MALRD1: variants seen among roughly 807,000 people sequenced by gnomAD.
MALRD1 encodes MAM and LDL-receptor class A domain-containing protein 1.
In MALRD1, 247 loss-of-function variants were observed where a neutral mutation model predicts 242.1. That is an observed-to-expected ratio of 1.02 (90% CI 0.92 to 1.13). The LOEUF (loss-of-function observed/expected upper bound fraction) is 1.13. Among genes scored for constraint, MALRD1 ranks in the 50% most tolerant of loss-of-function variants. The probability of loss-of-function intolerance (pLI) is 0.00; values close to 1 mark genes in which losing one functional copy is unlikely to be tolerated. For synonymous variants in MALRD1, 995 were observed against 866.6 expected, an observed-to-expected ratio of 1.15 and a Z score of -2.60; for missense variants, 2,989 against 2,533.1, an observed-to-expected ratio of 1.18 and a Z score of -3.86.
intron 33 of MALRD1, among the ~76,000 whole-genome samples, chr10:19,586,722 C>T (rs554199661): frequency 5.9e-4 from 90 of 152,322 alleles, no homozygotes; most frequent in Middle Eastern, 3.4e-3. Flanking sequence ...TACAGAGGCC[C>T]GCAGGCCTCC....
rs540544015 is a variant in MALRD1, at chr10:19,280,412, C to T, written c.3256+189C>T. 1.4e-4 allele frequency among the ~76,000 whole-genome samples: 22 copies of T among 152,240 alleles called. 1 individual carries two copies. The East Asian group carries it at 2.7e-3, about 19-fold the overall frequency. Reference sequence around the variant, plus strand: ...TCAGAATGCATTTTCTGCCAGGCCCCGTAAGTGGTAAGTGTCTTTAGATTA... The same window carrying T: ...TCAGAATGCATTTTCTGCCAGGCCCTGTAAGTGGTAAGTGTCTTTAGATTA... On this transcript the variant is annotated intron_variant, in intron 20 of 39. Coordinates refer to ENST00000454679, the MANE Select transcript of MALRD1 (RefSeq NM_001142308.3).
intron 32 of MALRD1, among the ~76,000 whole-genome samples, chr10:19,534,376 T>C (rs1407033526): frequency 6.6e-6 from 1 of 152,200 alleles, no homozygotes; most frequent in Non-Finnish European, 1.5e-5. Context: ...CCATTCTCCG[T>C]GTTCTTCGGA....
chr10:19,250,869 G>C (rs1361486389), intron 18 of MALRD1, among the ~76,000 whole-genome samples: 1 of 151,730 alleles, frequency 6.6e-6, no homozygotes, highest in Non-Finnish European at 1.5e-5. Flanking sequence ...AACAAGATTA[G>C]CAGAAAGAAT....
chr10:19,468,746 T>C (rs7090766), intron 29 of MALRD1, among the ~76,000 whole-genome samples: 123,746 of 151,930 alleles, frequency 0.81, 50,599 homozygotes, highest in East Asian at 1. Flanking sequence ...TCTGTATCTC[T>C]AGTCTTTACA....
intron 18 of MALRD1, among the ~76,000 whole-genome samples, chr10:19,237,682 AT>A (rs1838414471): frequency 8.2e-6 from 1 of 121,322 alleles, no homozygotes; most frequent in African/African-American, 3.2e-5. Flanking sequence ...ATTATATATA[AT>A]TTATATATAA....
chr10:19,470,491 A>G (rs560691077), intron 29 of MALRD1, among the ~76,000 whole-genome samples: 2 of 152,054 alleles, frequency 1.3e-5, no homozygotes, highest in Admixed American at 1.3e-4. Flanking sequence ...TGATAGTTTT[A>G]TTTTTAATTT....
At chr10:19,495,852 G>A (rs1248921791) in intron 30 of MALRD1, among the ~76,000 whole-genome samples, 1 of 152,146 alleles carries the variant, frequency 6.6e-6, no homozygotes, top group Non-Finnish European at 1.5e-5. Context: ...AGTGACACCC[G>A]TAGGCTCAAA....
At chr10:19,181,457 A>T (rs571624438) in intron 14 of MALRD1, among the ~76,000 whole-genome samples, 3 of 152,204 alleles carry the variant, frequency 2.0e-5, no homozygotes, top group African/African-American at 7.2e-5. Flanking sequence ...CAAACACAAG[A>T]AGGAAAATAT....
intron 29 of MALRD1, among the ~76,000 whole-genome samples, chr10:19,486,038 G>C (rs1419264922): frequency 6.6e-6 from 1 of 151,942 alleles, no homozygotes; most frequent in East Asian, 1.9e-4. Context: ...ATTTAACCTA[G>C]TTACAAAAAA....
intron 5 of MALRD1, among the ~76,000 whole-genome samples, chr10:19,116,093 A>G (rs1006584881): frequency 6.6e-6 from 1 of 152,174 alleles, no homozygotes. Context: ...CATTTATTGA[A>G]AAGAGGATCA....
intron 2 of MALRD1, among the ~76,000 whole-genome samples, chr10:19,067,998 C>A (rs10826899): frequency 1.2e-4 from 19 of 152,042 alleles, no homozygotes. Flanking sequence ...ACAAATATAA[C>A]AAGCACTAAC....
chr10:19,076,221 G>C (rs1835312719), intron 2 of MALRD1, among the ~76,000 whole-genome samples: 2 of 152,016 alleles, frequency 1.3e-5, no homozygotes, highest in Admixed American at 6.6e-5. Context: ...CCTAGCCTGT[G>C]TAATTTTGAT....
chr10:19,660,846 C>T (rs1841395136), intron 36 of MALRD1, among the ~76,000 whole-genome samples: 1 of 152,220 alleles, frequency 6.6e-6, no homozygotes, highest in South Asian at 2.1e-4. Context: ...ATTATGTTTT[C>T]CCTAAGTTCA....
chr10:19,535,559 G>A (rs1000903931), intron 32 of MALRD1, among the ~76,000 whole-genome samples: 2 of 148,618 alleles, frequency 1.3e-5, no homozygotes, highest in African/African-American at 2.5e-5. Context: ...ATACACATAT[G>A]TACATATATG....
intron 21 of MALRD1, among the ~76,000 whole-genome samples, chr10:19,315,865 C>G (rs1842683267): frequency 6.8e-6 from 1 of 146,394 alleles, no homozygotes; most frequent in African/African-American, 2.5e-5. Flanking sequence ...ATAATGTTTA[C>G]TTATAAATAG....
chr10:19,277,570 G>C (rs549902607), intron 19 of MALRD1, among the ~76,000 whole-genome samples: 2 of 152,196 alleles, frequency 1.3e-5, no homozygotes, highest in South Asian at 2.1e-4. Flanking sequence ...ATGAAATCTG[G>C]TCAACTCTCC....
At chr10:19,579,014 T>C (rs1467198065) in intron 33 of MALRD1, among the ~76,000 whole-genome samples, 2 of 152,118 alleles carry the variant, frequency 1.3e-5, no homozygotes, top group East Asian at 3.9e-4. Context: ...CATGTAAACC[T>C]CTTTCTTTTA....
intron 36 of MALRD1, among the ~76,000 whole-genome samples, chr10:19,656,356 A>G (rs974879424): frequency 3.9e-5 from 6 of 152,184 alleles, no homozygotes; most frequent in Non-Finnish European, 7.4e-5. Context: ...ACAATAGCCT[A>G]TATATTCCTC....
chr10:19,465,211 T>C (rs1293442967), intron 29 of MALRD1, among the ~76,000 whole-genome samples: 1 of 152,108 alleles, frequency 6.6e-6, no homozygotes, highest in African/African-American at 2.4e-5. Flanking sequence ...TTCTTTCTCT[T>C]GTCTGAATGC....
Sources: allele counts gnomAD v4.1 joint callset (sites outside exome capture counted in the v4.1 genomes callset), GRCh38; gene constraint gnomAD v4.1.1; transcripts MANE v1.5; gene names NCBI Gene and HGNC (gene_info 2026-07-23, HGNC 2026-07-21).